Variants in TRIM9 observed in about 807,000 individuals in gnomAD.
The protein encoded by TRIM9 is tripartite motif containing 9.
A neutral mutation model predicts 78.3 loss-of-function variants in TRIM9; 26 were observed. The observed-to-expected ratio is 0.33, with a 90% CI of 0.24 to 0.46. The LOEUF is 0.46. Among genes scored for constraint, TRIM9 ranks in the 20% least tolerant of loss-of-function variants. TRIM9 has a pLI of 1.00. For missense variants in TRIM9, 787 were observed against 1,036.4 expected (o/e 0.76, Z 3.30); for synonymous variants, 398 against 416.5 (o/e 0.96, Z 0.54).
chr14:51,084,536 G>T (rs1285133816), intron 1 of TRIM9, among the ~76,000 whole-genome samples: 1 of 152,046 alleles, frequency 6.6e-6, no homozygotes, highest in East Asian at 1.9e-4. Flanking sequence ...ATGACTGATG[G>T]TCAATAAAAT....
At chr14:51,030,163 A>G (rs988097463) in intron 1 of TRIM9, among the ~76,000 whole-genome samples, 12 of 152,266 alleles carry the variant, frequency 7.9e-5, no homozygotes, top group Non-Finnish European at 1.5e-4. Flanking sequence ...AACTTTGTCA[A>G]CTACTGGCCT....
intron 7 of TRIM9, among the ~76,000 whole-genome samples, chr14:50,990,917 T>C (rs959388619): frequency 3.9e-5 from 6 of 152,246 alleles, no homozygotes; most frequent in Non-Finnish European, 8.8e-5. Context: ...TTTTCATAAA[T>C]GGTCTTATAA....
chr14:51,050,584 A>G (rs988866000), intron 1 of TRIM9, among the ~76,000 whole-genome samples: 4 of 152,186 alleles, frequency 2.6e-5, no homozygotes, highest in Non-Finnish European at 5.9e-5. Context: ...CTCCAACAGC[A>G]GAGGGTCTAT....
At chr14:51,016,894 A>G (rs1345705228) in intron 3 of TRIM9, among the ~76,000 whole-genome samples, 1 of 152,198 alleles carries the variant, frequency 6.6e-6, no homozygotes, top group Non-Finnish European at 1.5e-5. Flanking sequence ...ACCCATGGAT[A>G]TGGAGGGCTG....
At position 51,094,907 on chromosome 14, in the gene TRIM9, G is replaced by A. The variant is rs141577322; in HGVS notation, c.33C>T (p.Pro11=). The stretch of plus-strand genomic sequence containing the variant: ...GCTCCCGATAGAAGGAGCCGCACAC[G>A]GGGCATTTCAACTCCTCTTCCATCT... MEEMEEELKC[P]VCGSFYREPI... The change falls in exon 1 of 13, where the codon CCC becomes CCT. Residue 11 remains proline, a synonymous_variant. Transcript: ENST00000684578. 3.3e-6 allele frequency: 5 copies of A among 1,506,322 alleles called. No homozygotes were observed. The highest frequency in any genetic ancestry group is 4.4e-6 in the Non-Finnish European group (5 of 1,128,898). The allele number at this position is 1,506,322 out of a possible 1,614,324, so 93.3% of individuals were successfully genotyped here. A position where few individuals can be genotyped will look rare whatever the true frequency, so the allele number is the denominator to read the frequency against.
intron 1 of TRIM9, among the ~76,000 whole-genome samples, chr14:51,073,692 C>A (rs1353933026): frequency 3.3e-5 from 5 of 152,160 alleles, no homozygotes; most frequent in Admixed American, 2.0e-4. Context: ...CTGATGATAT[C>A]CTGATATTCT....
chr14:51,019,040 A>T (rs767559006), intron 3 of TRIM9, among the ~76,000 whole-genome samples: 1 of 152,256 alleles, frequency 6.6e-6, no homozygotes, highest in Non-Finnish European at 1.5e-5. Context: ...TGGCATATGT[A>T]AAGTTTCTGA....
At chr14:51,043,656 T>A (rs1182498505) in intron 1 of TRIM9, among the ~76,000 whole-genome samples, 1 of 152,220 alleles carries the variant, frequency 6.6e-6, no homozygotes, top group Non-Finnish European at 1.5e-5. Flanking sequence ...TTTATCCCTT[T>A]CTATGGGATA....
intron 1 of TRIM9, among the ~76,000 whole-genome samples, chr14:51,029,343 C>T (rs1222699722): frequency 6.6e-6 from 1 of 152,150 alleles, no homozygotes; most frequent in Non-Finnish European, 1.5e-5. Flanking sequence ...GCTGCCTCCC[C>T]GGGCGTGGGG....
At chr14:51,024,111 C>T (rs770670534) in intron 2 of TRIM9, among the ~76,000 whole-genome samples, 17 of 152,170 alleles carry the variant, frequency 1.1e-4, no homozygotes, top group Non-Finnish European at 1.9e-4. Context: ...CATTTAAGAG[C>T]TCTCTATGCC....
intron 1 of TRIM9, among the ~76,000 whole-genome samples, chr14:51,073,156 A>G (rs1438627780): frequency 6.6e-6 from 1 of 152,220 alleles, no homozygotes; most frequent in Non-Finnish European, 1.5e-5. Context: ...TAAAATGAAA[A>G]GACAAATAAT....
intron 1 of TRIM9, among the ~76,000 whole-genome samples, chr14:51,033,690 C>T (rs1360323291): frequency 2.0e-5 from 3 of 152,156 alleles, no homozygotes; most frequent in Non-Finnish European, 4.4e-5. Flanking sequence ...TCCTCTTTGT[C>T]ACAAGAATCA....
At chr14:51,009,727 G>A (rs891972651) in intron 4 of TRIM9, among the ~76,000 whole-genome samples, 1 of 152,036 alleles carries the variant, frequency 6.6e-6, no homozygotes, top group Non-Finnish European at 1.5e-5. Flanking sequence ...TGTATTCTTT[G>A]GTAGAAAGCT....
At chr14:51,048,842 G>C in intron 1 of TRIM9, among the ~76,000 whole-genome samples, 1 of 152,064 alleles carries the variant, frequency 6.6e-6, no homozygotes, top group East Asian at 2.0e-4. Context: ...AAATTAGCTG[G>C]GTGTGGTGAT....
intron 7 of TRIM9, among the ~76,000 whole-genome samples, chr14:50,990,353 T>C (rs780619120): frequency 6.6e-6 from 1 of 152,186 alleles, no homozygotes; most frequent in Non-Finnish European, 1.5e-5. Flanking sequence ...GCCAACGCTA[T>C]TGAACACCTG....
chr14:51,001,228 A>AT (rs34019183), intron 5 of TRIM9, among the ~76,000 whole-genome samples: 3,546 of 130,596 alleles, frequency 0.027, 68 homozygotes, highest in East Asian at 0.04. Context: ...TGTGCTAATA[A>AT]TTTTTTTTTT....
rs139585956 is a variant in TRIM9 at position 50,991,526 on chromosome 14, G to C, written c.1604-5382C>G. 5.5e-4 allele frequency among the ~76,000 whole-genome samples: 84 copies of C among 152,282 alleles called. 1 individual carries two copies. In the East Asian group the frequency reaches 0.014, roughly 25 times the overall value. ...GCCCAGATGCTCTGGGTCAGGAAAA[G>C]CAGAGACAGAAAAACCATCTTTCAG... On this transcript the variant is annotated intron_variant, in intron 7 of 12. Transcript: ENST00000684578.
At chr14:51,045,360 T>C (rs927503979) in intron 1 of TRIM9, among the ~76,000 whole-genome samples, 3 of 152,224 alleles carry the variant, frequency 2.0e-5, no homozygotes, top group Non-Finnish European at 4.4e-5. Flanking sequence ...CAATCTTTCT[T>C]ATGACAAGAC....
chr14:51,083,405 C>T (rs1174885081), intron 1 of TRIM9, among the ~76,000 whole-genome samples: 1 of 149,384 alleles, frequency 6.7e-6, no homozygotes, highest in Non-Finnish European at 1.5e-5. Flanking sequence ...CAGGCATGCG[C>T]CACCATGCCC....
Sources: allele counts gnomAD v4.1 joint callset (sites outside exome capture counted in the v4.1 genomes callset), GRCh38; gene constraint gnomAD v4.1.1; transcripts MANE v1.5; gene names NCBI Gene and HGNC (gene_info 2026-07-23, HGNC 2026-07-21).